The following IL1RL1 variants were observed in gnomAD, a reference collection of about 807,000 sequenced individuals.
The protein encoded by IL1RL1 is interleukin-1 receptor-like 1.
IL1RL1 carries 32 observed loss-of-function variants against 50.9 expected under a neutral mutation model. The observed-to-expected ratio is 0.63, with a 90% confidence interval of 0.47 to 0.84. IL1RL1 has a LOEUF of 0.84. IL1RL1 is among the 40% of genes least tolerant of loss of function. The pLI, the probability that IL1RL1 is intolerant of heterozygous loss-of-function variation, is 0.00. For missense variants in IL1RL1, 773 were observed against 662.9 expected (o/e 1.17, Z -1.82); for synonymous variants, 275 against 236.0 (o/e 1.17, Z -1.51).
chr2:102,325,870 A>C (rs185239610), intron 1 of IL1RL1, among the ~76,000 whole-genome samples: 15 of 152,248 alleles, frequency 9.9e-5, no homozygotes, highest in Non-Finnish European at 1.9e-4. Flanking sequence ...CCAAATCTAC[A>C]TCTGATTGGT....
chr2:102,349,355 C>A, intron 10 of IL1RL1, 109 bp downstream of exon 10: 2 of 803,152 alleles, frequency 2.5e-6, no homozygotes, highest in Non-Finnish European at 4.2e-6. Flanking sequence ...CTACCACAGG[C>A]CTTAAGACCA....
chr2:102,335,383 T>TG (rs1236640704), intron 1 of IL1RL1, among the ~76,000 whole-genome samples: 2 of 115,098 alleles, frequency 1.7e-5, no homozygotes, highest in African/African-American at 3.0e-5. Flanking sequence ...TAGTTGACAT[T>TG]GGGGGGAGAA....
Position 102,318,012 on chromosome 2 carries a change from T to C in IL1RL1, c.-150+6389T>C, listed in dbSNP as rs144442986. ...AAGTGCACGTGTTGTGTAGTTAAGATTGGGGGTGTAGCAGGATGTAAATCA... is the reference window on the plus strand; with the variant it reads ...AAGTGCACGTGTTGTGTAGTTAAGACTGGGGGTGTAGCAGGATGTAAATCA... On this transcript the variant is annotated intron_variant, in intron 1 of 10. Coordinates refer to ENST00000233954, the MANE Select transcript of IL1RL1 (RefSeq NM_016232.5). Among the ~76,000 whole-genome samples the C allele has an allele frequency of 2.6e-5, 4 of 152,064 alleles. No individual in the cohort carries two copies. The East Asian group carries it at 7.7e-4, about 29-fold the overall frequency.
chr2:102,345,469 C>T (rs1946131), intron 8 of IL1RL1: 100,751 of 985,002 alleles, frequency 0.1, 5,273 homozygotes, highest in Middle Eastern at 0.27. Context: ...TTTAATGTGC[C>T]TGTCAAATAG....
chr2:102,341,167 GC>G, intron 5 of IL1RL1: 1 of 961,306 alleles, frequency 1.0e-6, no homozygotes, highest in South Asian at 2.7e-5. Flanking sequence ...AGCAAAACCA[GC>G]TTTTTTTTTT....
Position 102,340,209 on chromosome 2 carries a change from T to A in IL1RL1, c.384T>A (p.Asn128Lys), listed in dbSNP as rs376294785. 1.5e-4 allele frequency: 236 copies of A among 1,605,736 alleles called. No individual in the cohort carries two copies. Among genetic ancestry groups the A allele is most frequent in the South Asian group, 8.3e-4 (74 of 89,392 alleles). ...CAACAGTATCTGGATCAGAAAAAAATTCCAAAATTTATTGTCCTACCATTG... is the reference window on the plus strand; with the variant it reads ...CAACAGTATCTGGATCAGAAAAAAAATCCAAAATTTATTGTCCTACCATTG... ...MYSTVSGSEK[N>K]SKIYCPTIDL... Residue 128 changes from asparagine (N) to lysine (K), a missense_variant, in exon 4 of 11, where the codon AAT becomes AAA. By Grantham distance (94) the Asn-to-Lys change is moderately conservative. Transcript: ENST00000233954.
chr2:102,339,852 G>A (rs115596251), intron 3 of IL1RL1, among the ~76,000 whole-genome samples: 317 of 152,314 alleles, frequency 2.1e-3, no homozygotes, highest in African/African-American at 7.4e-3. Context: ...TACAGCAGAT[G>A]TAGTGTATGA....
chr2:102,342,969 A>G, intron 6 of IL1RL1, 67 bp from the exon 7 acceptor site: 1 of 1,511,142 alleles, frequency 6.6e-7, no homozygotes, highest in Non-Finnish European at 9.1e-7. Flanking sequence ...TTTTTTTTAC[A>G]TTAAATGGGA....
intron 1 of IL1RL1, among the ~76,000 whole-genome samples, chr2:102,324,426 G>A (rs1367346159): frequency 2.0e-5 from 3 of 152,216 alleles, no homozygotes; most frequent in Non-Finnish European, 4.4e-5. Flanking sequence ...CAGCGTGAGC[G>A]ACACAGAAGA....
At chr2:102,346,795 T>A (rs887317045) in intron 8 of IL1RL1, among the ~76,000 whole-genome samples, 1 of 152,212 alleles carries the variant, frequency 6.6e-6, no homozygotes, top group East Asian at 1.9e-4. Context: ...ACTGATAAAC[T>A]ATTAGAGGTT....
At chr2:102,314,439 A>G (rs909668049) in intron 1 of IL1RL1, among the ~76,000 whole-genome samples, 8 of 152,212 alleles carry the variant, frequency 5.3e-5, no homozygotes, top group African/African-American at 1.7e-4. Flanking sequence ...TATCCTAATG[A>G]AAAAACACAG....
At chr2:102,341,589 T>C (rs1003209928) in intron 5 of IL1RL1, among the ~76,000 whole-genome samples, 2 of 152,182 alleles carry the variant, frequency 1.3e-5, no homozygotes, top group Non-Finnish European at 2.9e-5. Flanking sequence ...ACTCCACCGC[T>C]GTAAAATAAG....
chr2:102,312,289 A>G (rs1008971869), intron 1 of IL1RL1, among the ~76,000 whole-genome samples: 6 of 148,558 alleles, frequency 4.0e-5, no homozygotes, highest in Non-Finnish European at 5.9e-5. Context: ...AATGTAATAT[A>G]TATAACATTA....
chr2:102,312,761 C>CG (rs919380931), intron 1 of IL1RL1: 6 of 152,114 alleles, frequency 3.9e-5, no homozygotes, highest in Admixed American at 2.0e-4. Flanking sequence ...AAGTTTGTTG[C>CG]GGGTGCCTGC....
chr2:102,340,910 C>T, intron 5 of IL1RL1, 82 bp downstream of exon 5: 3 of 1,081,186 alleles, frequency 2.8e-6, no homozygotes, highest in Non-Finnish European at 3.9e-6. Flanking sequence ...GGTTGGGTTT[C>T]TTGCACTTCT....
chr2:102,327,423 A>C (rs13007344), intron 1 of IL1RL1, among the ~76,000 whole-genome samples: 70,392 of 148,880 alleles, frequency 0.47, 16,943 homozygotes, highest in Middle Eastern at 0.64. Flanking sequence ...AAATTGACAC[A>C]CTAACATCAC....
chr2:102,314,815 A>C (rs761733534), intron 1 of IL1RL1, among the ~76,000 whole-genome samples: 3 of 152,232 alleles, frequency 2.0e-5, no homozygotes, highest in Non-Finnish European at 4.4e-5. Context: ...GACTGCAAAG[A>C]AACAAAGGCT....
chr2:102,325,052 C>T (rs1421679245), intron 1 of IL1RL1, among the ~76,000 whole-genome samples: 1 of 152,178 alleles, frequency 6.6e-6, no homozygotes, highest in Non-Finnish European at 1.5e-5. Flanking sequence ...CAGACTGCCT[C>T]CTCAAGTAGG....
intron 1 of IL1RL1, among the ~76,000 whole-genome samples, chr2:102,325,097 C>A (rs1454123453): frequency 5.3e-5 from 8 of 152,142 alleles, no homozygotes; most frequent in African/African-American, 1.7e-4. Flanking sequence ...TGGGAGGCAC[C>A]CCCCAGTAGG....
Sources: gnomAD v4.1 joint callset for allele counts (sites outside exome capture counted in the v4.1 genomes callset) on GRCh38, gnomAD v4.1.1 for gene constraint, MANE v1.5 for transcripts, NCBI Gene and HGNC (gene_info 2026-07-23, HGNC 2026-07-21) for gene names.